The following ARMC9 variants were observed in gnomAD, a reference collection of about 807,000 sequenced individuals.
ARMC9 encodes armadillo repeat containing 9.
In ARMC9, 94 loss-of-function variants were observed where a neutral mutation model predicts 107.0. That is an observed-to-expected ratio of 0.88 (90% confidence interval 0.74 to 1.04). ARMC9 has a LOEUF of 1.04. Among genes scored for constraint, ARMC9 ranks in the 50% least tolerant of loss-of-function variants. ARMC9 has a pLI of 0.00. For synonymous variants in ARMC9, 380 were observed against 396.9 expected (o/e 0.96, Z 0.51); for missense variants, 942 against 1,030.1 (o/e 0.91, Z 1.17).
Position 231,374,377 on chromosome 2 carries a change from C to G in ARMC9, c.*2842C>G, listed in dbSNP as rs1559516704. 1 of 152,096 alleles carries G rather than the reference C, an allele frequency of 6.6e-6. No individual in the cohort carries two copies. The highest frequency in any genetic ancestry group is 2.4e-5 in the African/African-American group (1 of 41,400). The allele number at this position is 152,096 out of a possible 1,614,324, so 9.4% of individuals were successfully genotyped here. ...ATCTTCTGGTTTCTTCTGAGTGGGA[C>G]TTGATCTCATTTCTGCATTCACAGC... On this transcript the variant is annotated 3_prime_UTR_variant, in exon 25 of 25. Coordinates refer to ENST00000611582, the MANE Select transcript of ARMC9 (RefSeq NM_001352754.2).
chr2:231,203,420 G>T (rs539347363), intron 1 of ARMC9, among the ~76,000 whole-genome samples: 1 of 152,290 alleles, frequency 6.6e-6, no homozygotes, highest in African/African-American at 2.4e-5. Flanking sequence ...GACTCACAGC[G>T]CTCATGGCCC....
Position 231,229,275 on chromosome 2 carries a change from C to T in ARMC9, c.622+2477C>T, listed in dbSNP as rs546814501. Among the ~76,000 whole-genome samples, 3 of 152,326 alleles carry T rather than the reference C, an allele frequency of 2.0e-5. No individual in the cohort carries two copies. The South Asian group carries it at 6.2e-4, about 32-fold the overall frequency. On this transcript the variant is annotated intron_variant, in intron 7 of 24. Transcript: ENST00000611582. ...GCTAAGGCTGTAATAACCAAAGGCA[C>T]AGACATGCCCCCAGTTTAATTTAAT...
intron 19 of ARMC9, among the ~76,000 whole-genome samples, chr2:231,326,233 C>T (rs1321025490): frequency 6.6e-6 from 1 of 152,220 alleles, no homozygotes; most frequent in African/African-American, 2.4e-5. Context: ...CAGAGCTGGG[C>T]TACTGCTGTG....
rs1184488296 is a variant in ARMC9 at position 231,358,353 on chromosome 2, T to TGATTGATC, written c.2132-2394_2132-2393insCGATTGAT. Among the ~76,000 whole-genome samples, 2 of 151,226 alleles carry TGATTGATC rather than the reference T, an allele frequency of 1.3e-5. No homozygotes were observed. Among genetic ancestry groups the TGATTGATC allele is most frequent in the African/African-American group, 4.9e-5 (2 of 41,016 alleles). ...CTCCATCCCTCCCCTCCACTTCAAT[T>TGATTGATC]GATTGATTGATTGATTGATTGATTG... On this transcript the variant is annotated intron_variant, in intron 22 of 24. Coordinates refer to ENST00000611582, the MANE Select transcript of ARMC9 (RefSeq NM_001352754.2). This position sits in a 1 kb window ranked among gnomAD's most constrained non-coding sequence, Gnocchi z 4.5.
At chr2:231,271,123 C>G in intron 13 of ARMC9, 51 bp downstream of exon 13, 4 of 1,559,360 alleles carry the variant, frequency 2.6e-6, no homozygotes, top group South Asian at 2.3e-5. Flanking sequence ...TATTGATGTG[C>G]TTTTTCCTTT....
intron 16 of ARMC9, 69 bp from the exon 17 acceptor site, chr2:231,281,990 G>A (rs2040249040): frequency 7.0e-7 from 1 of 1,434,942 alleles, no homozygotes; most frequent in Non-Finnish European, 9.8e-7. Context: ...TCTGAGGTGT[G>A]GTGTTTGATA....
At position 231,335,575 on chromosome 2, in the gene ARMC9, A is replaced by G. The variant is rs570542695; in HGVS notation, c.1878+3678A>G. 1.9e-4 allele frequency among the ~76,000 whole-genome samples: 29 copies of G among 152,334 alleles called. 2 individuals carry two copies. The highest frequency in any genetic ancestry group is 6.8e-3 in the Middle Eastern group (2 of 294). On this transcript the variant is annotated intron_variant, in intron 20 of 24. Coordinates refer to ENST00000611582, the MANE Select transcript of ARMC9 (RefSeq NM_001352754.2). ...ACGGCGATCTCAGAAAGCTAGGGACAGAGAATAGGTCATGCTTCCAAGGCT... is the reference window on the plus strand; with the variant it reads ...ACGGCGATCTCAGAAAGCTAGGGACGGAGAATAGGTCATGCTTCCAAGGCT...
intron 21 of ARMC9, among the ~76,000 whole-genome samples, chr2:231,353,978 TATACACACACACACACACACAC>T (rs2045220875): frequency 2.2e-5 from 3 of 138,224 alleles, no homozygotes; most frequent in African/African-American, 9.4e-5. Context: ...TATATGTATA[TATACACACACACACACACACAC>T]ACACACACAC....
intron 5 of ARMC9, among the ~76,000 whole-genome samples, chr2:231,222,207 T>G (rs2034214571): frequency 6.6e-6 from 1 of 152,236 alleles, no homozygotes; most frequent in African/African-American, 2.4e-5. Flanking sequence ...TAATTTGTTT[T>G]TAAAGGACAA....
chr2:231,246,333 A>C (rs1328940123), intron 9 of ARMC9, among the ~76,000 whole-genome samples: 1 of 152,160 alleles, frequency 6.6e-6, no homozygotes, highest in Non-Finnish European at 1.5e-5. Context: ...CCTGAGAGTT[A>C]GTTTTTCAAA....
intron 8 of ARMC9, among the ~76,000 whole-genome samples, chr2:231,237,175 CGTGTGTGTGT>C (rs58607252): frequency 6.7e-6 from 1 of 148,698 alleles, no homozygotes; most frequent in Non-Finnish European, 1.5e-5. Context: ...TCTGCGTATG[CGTGTGTGTGT>C]GTGTGTGTGT....
chr2:231,272,184 T>TG (rs2039381851), intron 13 of ARMC9, among the ~76,000 whole-genome samples: 1 of 140,772 alleles, frequency 7.1e-6, no homozygotes, highest in Non-Finnish European at 1.5e-5. Flanking sequence ...GTGTGTGTGT[T>TG]TGGTTTTTTT....
chr2:231,360,657 G>A lies in ARMC9; in HGVS notation c.2132-97G>A. The A allele has an allele frequency of 6.6e-7, 1 of 1,523,324 alleles. No individual in the cohort carries two copies. Among genetic ancestry groups the A allele is most frequent in the Non-Finnish European group, 8.8e-7 (1 of 1,135,890 alleles). 94.4% of individuals were successfully genotyped at this position (1,523,324 alleles called of 1,614,324 possible). A position where few individuals can be genotyped will look rare whatever the true frequency, so the allele number is the denominator to read the frequency against. On this transcript the variant is annotated intron_variant, in intron 22 of 24. Transcript: ENST00000611582. The surrounding 1 kb of genome is among the most constrained non-coding windows in gnomAD (Gnocchi z 4.7). ...GAGCCCGCAGGGCCTGGCCTGGGGT[G>A]CGTGCTTTTCTTGGCTTTCCAACCC...
Position 231,360,899 on chromosome 2 carries a change from C to T in ARMC9, c.2261+16C>T, listed in dbSNP as rs1166512668. ...TGACCACCAGGTAAGGGGGATATCA[C>T]AAGGCCTCGAACCTGACTCTCGGAG... On this transcript the variant is annotated intron_variant, in intron 23 of 24. Coordinates refer to ENST00000611582, the MANE Select transcript of ARMC9 (RefSeq NM_001352754.2). This position sits in a 1 kb window ranked among gnomAD's most constrained non-coding sequence, Gnocchi z 4.7. The T allele has an allele frequency of 6.6e-7, 1 of 1,511,608 alleles. No homozygotes were observed. The highest frequency in any genetic ancestry group is 1.2e-5 in the South Asian group (1 of 80,208). 93.6% of individuals were successfully genotyped at this position (1,511,608 alleles called of 1,614,324 possible). A position where few individuals can be genotyped will look rare whatever the true frequency, so the allele number is the denominator to read the frequency against.
intron 8 of ARMC9, among the ~76,000 whole-genome samples, chr2:231,236,337 C>CT (rs986125123): frequency 6.6e-6 from 1 of 151,852 alleles, no homozygotes; most frequent in African/African-American, 2.4e-5. Flanking sequence ...TTTATCTTAA[C>CT]TTTTTTTTCT....
intron 1 of ARMC9, 114 bp from the exon 2 acceptor site, chr2:231,206,084 G>A: frequency 1.4e-6 from 1 of 693,982 alleles, no homozygotes; most frequent in Non-Finnish European, 2.6e-6. Flanking sequence ...ACAGGTTCTG[G>A]GGATTGGCGC....
chr2:231,359,360 T>C (rs1359972414), intron 22 of ARMC9, among the ~76,000 whole-genome samples: 1 of 151,924 alleles, frequency 6.6e-6, no homozygotes, highest in Non-Finnish European at 1.5e-5. Context: ...GTGGTGGGAT[T>C]ACAGGCGTGA....
At chr2:231,252,996 A>C (rs1310231032) in intron 9 of ARMC9, among the ~76,000 whole-genome samples, 2 of 152,208 alleles carry the variant, frequency 1.3e-5, no homozygotes, top group African/African-American at 4.8e-5. Flanking sequence ...TATTTAAGCC[A>C]ACAACAGGAA....
intron 19 of ARMC9, among the ~76,000 whole-genome samples, chr2:231,328,556 A>G (rs1310712379): frequency 5.3e-5 from 8 of 152,008 alleles, no homozygotes; most frequent in Non-Finnish European, 7.4e-5. Flanking sequence ...CAAATGTTCA[A>G]TTTCTCCAGC....
Sources: gnomAD v4.1 joint callset for allele counts (sites outside exome capture counted in the v4.1 genomes callset) on GRCh38, gnomAD v4.1.1 for gene constraint, Gnocchi (gnomAD v3.1) non-coding constraint, MANE v1.5 for transcripts, NCBI Gene and HGNC (gene_info 2026-07-23, HGNC 2026-07-21) for gene names.